CTNNBL1: variants seen among roughly 807,000 people sequenced by gnomAD.
CTNNBL1 encodes beta-catenin-like protein 1.
In CTNNBL1, 31 loss-of-function variants were observed where a neutral mutation model predicts 72.7. The ratio of observed to expected loss-of-function variants is 0.43; its 90% CI spans 0.32 to 0.58. The LOEUF (loss-of-function observed/expected upper bound fraction) is 0.58, where lower values mean the gene tolerates loss of function less well. CTNNBL1 is among the 20% of genes least tolerant of loss of function. The pLI, the probability that CTNNBL1 is intolerant of heterozygous loss-of-function variation, is 0.08. For missense variants in CTNNBL1, 534 were observed against 725.1 expected (o/e 0.74, Z 3.03); for synonymous variants, 240 against 267.3 (o/e 0.90, Z 1.00).
chr20:37,857,890 T>C (rs1328428011), intron 13 of CTNNBL1, among the ~76,000 whole-genome samples: 4 of 152,242 alleles, frequency 2.6e-5, no homozygotes, highest in Non-Finnish European at 5.9e-5. Flanking sequence ...TGAGAGCTCA[T>C]AGCCCAAACC....
intron 9 of CTNNBL1, 57 bp from the exon 10 acceptor site, chr20:37,779,130 G>T (rs2073602353): frequency 3.8e-6 from 6 of 1,568,168 alleles, no homozygotes; most frequent in Non-Finnish European, 5.2e-6. Flanking sequence ...TTGGATGGAG[G>T]CTCATGAAAA....
Position 37,870,264 on chromosome 20 carries a change from T to A in CTNNBL1, c.1604-1661T>A, listed in dbSNP as rs114797145. Among the ~76,000 whole-genome samples the A allele has an allele frequency of 1.4e-3, 207 of 152,166 alleles. 1 individual carries two copies. Among genetic ancestry groups the A allele is most frequent in the African/African-American group, 4.8e-3 (200 of 41,536 alleles). On this transcript the variant is annotated intron_variant, in intron 15 of 15. Transcript: ENST00000361383. Reference sequence around the variant, plus strand: ...AAACCTGGTGCTCCTACACCCCTCCTGCCACTGGAGACATAGGAGGGGTCT... The same window carrying A: ...AAACCTGGTGCTCCTACACCCCTCCAGCCACTGGAGACATAGGAGGGGTCT...
At chr20:37,762,631 C>T (rs1190943146) in intron 5 of CTNNBL1, among the ~76,000 whole-genome samples, 1 of 152,112 alleles carries the variant, frequency 6.6e-6, no homozygotes, top group Non-Finnish European at 1.5e-5. Context: ...CAGACTTTGT[C>T]ACAGGTCCAG....
intron 1 of CTNNBL1, among the ~76,000 whole-genome samples, chr20:37,707,526 A>G (rs529886443): frequency 7.2e-5 from 11 of 152,356 alleles, no homozygotes; most frequent in African/African-American, 2.4e-4. Context: ...CTTAGCCTTC[A>G]TAGAACTGAA....
chr20:37,701,879 G>A (rs981823103), intron 1 of CTNNBL1, among the ~76,000 whole-genome samples: 2 of 146,844 alleles, frequency 1.4e-5, no homozygotes, highest in African/African-American at 2.7e-5. Context: ...GATGTGTGGC[G>A]TAATACATCG....
chr20:37,694,066 G>A lies in CTNNBL1; in HGVS notation c.-57G>A, dbSNP rs1042937013. The A allele has an allele frequency of 1.9e-6, 3 of 1,576,078 alleles. No individual in the cohort carries two copies. The highest frequency in any genetic ancestry group is 1.4e-5 in the African/African-American group (1 of 73,524). ...CAGTGTGGCTGGAGCCGCGGCTGACGGGCCCGCGGTCTGGGCGTGAGTGCA... is the reference window on the plus strand; with the variant it reads ...CAGTGTGGCTGGAGCCGCGGCTGACAGGCCCGCGGTCTGGGCGTGAGTGCA... On this transcript the variant is annotated 5_prime_UTR_variant, in exon 1 of 16. Transcript: ENST00000361383.
intron 10 of CTNNBL1, 56 bp downstream of exon 10, chr20:37,779,391 G>T (rs932240813): frequency 1.6e-5 from 25 of 1,585,270 alleles, no homozygotes; most frequent in Non-Finnish European, 2.2e-5. Context: ...TTCACTGTTA[G>T]CCTGAATTCA....
At chr20:37,795,135 ATTTTTTT>A (rs1298565017) in intron 10 of CTNNBL1, among the ~76,000 whole-genome samples, 1 of 132,926 alleles carries the variant, frequency 7.5e-6, no homozygotes, top group East Asian at 2.1e-4. Context: ...TTCAGTTATA[ATTTTTTT>A]TTTTTTTTTT....
chr20:37,730,392 T>C (rs2073118916), intron 1 of CTNNBL1, among the ~76,000 whole-genome samples: 1 of 152,224 alleles, frequency 6.6e-6, no homozygotes, highest in African/African-American at 2.4e-5. Flanking sequence ...CTCACAGTGA[T>C]GATTTTATGT....
intron 10 of CTNNBL1, among the ~76,000 whole-genome samples, chr20:37,781,433 A>G (rs1375722608): frequency 1.3e-5 from 2 of 152,176 alleles, no homozygotes; most frequent in Non-Finnish European, 1.5e-5. Flanking sequence ...GATTATTCAA[A>G]CAGGAATGCT....
chr20:37,704,421 TA>T (rs1422944315), intron 1 of CTNNBL1, among the ~76,000 whole-genome samples: 4 of 152,058 alleles, frequency 2.6e-5, no homozygotes. Context: ...TTTAGACTCT[TA>T]AAACTTTGTT....
intron 10 of CTNNBL1, among the ~76,000 whole-genome samples, chr20:37,783,881 A>T (rs1000876686): frequency 6.6e-6 from 1 of 152,180 alleles, no homozygotes; most frequent in South Asian, 2.1e-4. Context: ...CATTTAGTCT[A>T]TACTGCAGAT....
chr20:37,758,021 G>T (rs1390823652), intron 5 of CTNNBL1, among the ~76,000 whole-genome samples: 2 of 152,168 alleles, frequency 1.3e-5, no homozygotes, highest in African/African-American at 4.8e-5. Context: ...TGAACCTGTG[G>T]TCTCCTAGAC....
intron 15 of CTNNBL1, 126 bp downstream of exon 15, chr20:37,860,470 C>A: frequency 1.3e-6 from 1 of 762,124 alleles, no homozygotes; most frequent in East Asian, 2.6e-5. Flanking sequence ...AAGTTGTTGT[C>A]CATTTCACTG....
At chr20:37,708,351 T>A (rs1418871920) in intron 1 of CTNNBL1, among the ~76,000 whole-genome samples, 7 of 152,018 alleles carry the variant, frequency 4.6e-5, no homozygotes, top group Non-Finnish European at 1.0e-4. Flanking sequence ...TTTGTATTTT[T>A]TGTAGAGATG....
intron 7 of CTNNBL1, among the ~76,000 whole-genome samples, chr20:37,772,733 T>C (rs371165009): frequency 6.6e-6 from 1 of 152,188 alleles, no homozygotes; most frequent in African/African-American, 2.4e-5. Flanking sequence ...TATGTCTAGA[T>C]TGCTTGATAA....
chr20:37,729,083 T>C (rs2073108974), intron 1 of CTNNBL1, among the ~76,000 whole-genome samples: 1 of 152,150 alleles, frequency 6.6e-6, no homozygotes, highest in Non-Finnish European at 1.5e-5. Context: ...GAATTAATGA[T>C]TTAAAAAGTA....
intron 13 of CTNNBL1, among the ~76,000 whole-genome samples, chr20:37,850,910 G>C (rs112174369): frequency 6.6e-6 from 1 of 152,316 alleles, no homozygotes; most frequent in East Asian, 1.9e-4. Flanking sequence ...CCTTTTATCA[G>C]CAAGGGGCAG....
chr20:37,702,062 A>G (rs1402802808), intron 1 of CTNNBL1, among the ~76,000 whole-genome samples: 2 of 152,174 alleles, frequency 1.3e-5, no homozygotes, highest in Non-Finnish European at 2.9e-5. Context: ...TTTTTAAAAA[A>G]TAGAATCAGG....
Sources: gnomAD v4.1 joint callset for allele counts (sites outside exome capture counted in the v4.1 genomes callset) on GRCh38, gnomAD v4.1.1 for gene constraint, MANE v1.5 for transcripts, NCBI Gene and HGNC (gene_info 2026-07-23, HGNC 2026-07-21) for gene names.